TTLL8: variants seen among roughly 807,000 people sequenced by gnomAD.
TTLL8 encodes the protein protein monoglycylase TTLL8.
TTLL8 carries 65 observed loss-of-function variants against 77.8 expected under a neutral mutation model. The ratio of observed to expected loss-of-function variants is 0.84; its 90% CI spans 0.68 to 1.03. The LOEUF (loss-of-function observed/expected upper bound fraction) is 1.03. TTLL8 is among the 50% of genes least tolerant of loss of function. The pLI is 0.00. For missense variants in TTLL8, 910 were observed against 1,004.5 expected (o/e 0.91, Z 1.27); for synonymous variants, 402 against 422.8 (o/e 0.95, Z 0.60).
At chr22:50,057,411 G>C (rs2061480889), upstream of TTLL8, among the ~76,000 whole-genome samples, 1 of 83,164 alleles carries the variant, frequency 1.2e-5, no homozygotes, top group South Asian at 4.9e-4. Context: ...TGGGTTGGGC[G>C]GGAGGTCTGG....
intron 12 of TTLL8, among the ~76,000 whole-genome samples, chr22:50,021,811 A>ACG (rs1569218205): frequency 4.3e-5 from 3 of 70,462 alleles, no homozygotes; most frequent in Non-Finnish European, 5.6e-5. Flanking sequence ...TCCATCTGAC[A>ACG]TGCACTCCTC....
chr22:50,039,494 C>T (rs1038072269), intron 8 of TTLL8, among the ~76,000 whole-genome samples: 10 of 152,154 alleles, frequency 6.6e-5, no homozygotes, highest in East Asian at 1.9e-4. Flanking sequence ...AAATGCCCCA[C>T]GAACCTCAAC....
intron 1 of TTLL8, among the ~76,000 whole-genome samples, chr22:50,053,915 C>T (rs1211542526): frequency 2.7e-5 from 4 of 150,894 alleles, no homozygotes; most frequent in Non-Finnish European, 4.4e-5. Context: ...ATCACCGTGC[C>T]GTGCACCTGC....
chr22:50,027,232 T>A (rs563395384), intron 12 of TTLL8, among the ~76,000 whole-genome samples: 2 of 121,766 alleles, frequency 1.6e-5, no homozygotes, highest in East Asian at 5.4e-4. Context: ...CGGGACTCCG[T>A]CTCAAAAAAA....
At position 50,034,662 on chromosome 22, in the gene TTLL8, GA is replaced by G. The variant is rs1184192493; in HGVS notation, c.922-201del. Among the ~76,000 whole-genome samples the G allele has an allele frequency of 2.6e-5, 4 of 152,140 alleles. No individual in the cohort carries two copies. The highest frequency in any genetic ancestry group is 9.7e-5 in the African/African-American group (4 of 41,428). On this transcript the variant is annotated intron_variant, in intron 8 of 13. Coordinates refer to ENST00000266182, the Ensembl canonical transcript of TTLL8. This position sits in a 1 kb window ranked among gnomAD's most constrained non-coding sequence, Gnocchi z 4.1. Reference sequence around the variant, plus strand: ...GTTCTCCCAACAGTATGGACACCTGGAAAACACAGCCCTGTGAGGCTGCTCC... The same window carrying G: ...GTTCTCCCAACAGTATGGACACCTGGAAACACAGCCCTGTGAGGCTGCTCC...
At chr22:50,027,774 G>A (rs186363061) in intron 12 of TTLL8, 25 of 985,318 alleles carry the variant, frequency 2.5e-5, no homozygotes, top group Non-Finnish European at 3.0e-5. Context: ...CACACCAGGC[G>A]AGCACTAGCC....
At chr22:50,030,795 G>A (rs1245642104) in exon 12 of TTLL8, 7 of 1,349,080 alleles carry the variant, frequency 5.2e-6, no homozygotes, top group Non-Finnish European at 6.9e-6. Context: ...TGCCTTCAGC[G>A]GCTGCGCGTC....
At position 50,030,933 on chromosome 22, in the gene TTLL8, GA is replaced by G; in HGVS notation, c.1708-9del. The G allele has an allele frequency of 7.6e-7, 1 of 1,316,070 alleles. No individual in the cohort carries two copies. The highest frequency in any genetic ancestry group is 1.0e-6 in the Non-Finnish European group (1 of 1,003,812). 81.5% of individuals were successfully genotyped at this position (1,316,070 alleles called of 1,614,324 possible). Reference sequence around the variant, plus strand: ...GGGCGGCTCAACCACCGGCTGTGGGGAAGGAACAGGTTGGGGTGCTGGGCTG... The same window carrying G: ...GGGCGGCTCAACCACCGGCTGTGGGGAGGAACAGGTTGGGGTGCTGGGCTG... On this transcript the variant is annotated splice_polypyrimidine_tract_variant and intron_variant, in intron 11 of 13. Transcript: ENST00000266182.
At chr22:50,049,414 A>T (rs916589866) in intron 2 of TTLL8, 92 bp from the exon 5 acceptor site, 2 of 1,308,048 alleles carry the variant, frequency 1.5e-6, no homozygotes, top group African/African-American at 3.0e-5. Flanking sequence ...CAGGACAGCG[A>T]CTTTACTTCC....
rs564965484 is a variant in TTLL8 at position 50,029,515 on chromosome 22, C to T, written c.2203+915G>A. ...CCAGCACCTTGGGAGGCTGAGGCGG[C>T]GGATCACGAGGTCAGGAGGTGGAGA... On this transcript the variant is annotated intron_variant, in intron 12 of 13. Transcript: ENST00000266182. Among the ~76,000 whole-genome samples, 257 of 151,580 alleles carry T rather than the reference C, an allele frequency of 1.7e-3. 3 individuals carry two copies. The highest frequency in any genetic ancestry group is 6.7e-3 in the South Asian group (32 of 4,786).
At chr22:50,025,271 C>CA (rs2061224800) in intron 12 of TTLL8, among the ~76,000 whole-genome samples, 1 of 77,780 alleles carries the variant, frequency 1.3e-5, no homozygotes, top group Non-Finnish European at 2.8e-5. Flanking sequence ...AACAAATTAG[C>CA]AAAAACTCCA....
At chr22:50,031,942 T>G in exon 11 of TTLL8, 1 of 1,366,940 alleles carries the variant, frequency 7.3e-7, no homozygotes, top group Non-Finnish European at 9.8e-7. Flanking sequence ...GATGGCCTTC[T>G]TCATGGACGG....
In TTLL8 at chr22:50,034,561, C is replaced by T. The variant is rs1459537316; in HGVS notation, c.922-99G>A. ...ACTTGGAGGCCTGGGCCCCGCCTCA[C>T]CCACCAAGCAGGCGCTCGGCTCTAG... On this transcript the variant is annotated intron_variant, in intron 8 of 13. Transcript: ENST00000266182. This position sits in a 1 kb window ranked among gnomAD's most constrained non-coding sequence, Gnocchi z 4.1. 7.3e-6 allele frequency: 9 copies of T among 1,225,720 alleles called. No individual in the cohort carries two copies. The highest frequency in any genetic ancestry group is 1.6e-5 in the African/African-American group (1 of 64,422). The allele number at this position is 1,225,720 out of a possible 1,614,324, so 75.9% of individuals were successfully genotyped here.
chr22:50,032,677 A>C (rs962046090), intron 10 of TTLL8, among the ~76,000 whole-genome samples: 1 of 152,214 alleles, frequency 6.6e-6, no homozygotes, highest in African/African-American at 2.4e-5. Context: ...CCTCACACCA[A>C]GCAAGGGCCA....
chr22:50,031,115 C>A (rs931447805), intron 11 of TTLL8, among the ~76,000 whole-genome samples, 190 bp from the exon 13 acceptor site: 7 of 152,126 alleles, frequency 4.6e-5, no homozygotes, highest in African/African-American at 1.7e-4. Flanking sequence ...TGCGGGGAAC[C>A]AAGGCTTCCT....
intron 8 of TTLL8, among the ~76,000 whole-genome samples, chr22:50,039,069 A>T (rs2061353143): frequency 6.6e-6 from 1 of 152,188 alleles, no homozygotes; most frequent in Non-Finnish European, 1.5e-5. Flanking sequence ...TATTTCGGTT[A>T]AAGTTTTGTG....
At chr22:50,053,837 A>T (rs370792428) in intron 1 of TTLL8, among the ~76,000 whole-genome samples, 1 of 152,172 alleles carries the variant, frequency 6.6e-6, no homozygotes, top group Non-Finnish European at 1.5e-5. Context: ...AACGGTCTTT[A>T]TGGAGACTGT....
upstream of TTLL8, among the ~76,000 whole-genome samples, chr22:50,056,299 A>G (rs1386058212): frequency 1.3e-5 from 2 of 151,864 alleles, no homozygotes; most frequent in African/African-American, 2.4e-5. This position sits in a 1 kb window ranked among gnomAD's most constrained non-coding sequence, Gnocchi z 4.1. Flanking sequence ...GCCAATAATC[A>G]TGTGAAAAAC....
exon 12 of TTLL8, chr22:50,030,823 C>A (rs749448048): frequency 9.6e-6 from 13 of 1,348,016 alleles, no homozygotes; most frequent in Non-Finnish European, 1.3e-5. Flanking sequence ...GAGGCCGAGG[C>A]CTTGAGGTTG....
Sources: gnomAD v4.1 joint callset for allele counts (sites outside exome capture counted in the v4.1 genomes callset) on GRCh38, gnomAD v4.1.1 for gene constraint, Gnocchi (gnomAD v3.1) non-coding constraint, MANE v1.5 for transcripts, NCBI Gene and HGNC (gene_info 2026-07-23, HGNC 2026-07-21) for gene names.